The following CABIN1 variants were observed in gnomAD, a reference collection of about 807,000 sequenced individuals.
CABIN1 encodes calcineurin-binding protein cabin-1.
Under a neutral mutation model 227.7 loss-of-function variants are expected in CABIN1, and 133 were observed. That is an observed-to-expected ratio of 0.58 (90% confidence interval 0.51 to 0.67). The LOEUF (loss-of-function observed/expected upper bound fraction) is 0.67, where lower values mean the gene tolerates loss of function less well. Ranked by LOEUF, CABIN1 falls within the 30% of genes least tolerant of loss-of-function variation. CABIN1 has a pLI of 0.00. For missense variants in CABIN1, 2,408 were observed against 2,852.5 expected, an observed-to-expected ratio of 0.84 and a Z score of 3.55; for synonymous variants, 1,086 against 1,155.1, an observed-to-expected ratio of 0.94 and a Z score of 1.21.
At chr22:24,070,671 G>A (rs999160467) in intron 16 of CABIN1, 129 bp from the exon 17 acceptor site, 3 of 1,383,612 alleles carry the variant, frequency 2.2e-6, no homozygotes, top group Admixed American at 1.7e-5. Flanking sequence ...GGCCTATGTT[G>A]TGCTGGGGCT....
At chr22:24,064,489 G>A (rs1203676183) in intron 15 of CABIN1, among the ~76,000 whole-genome samples, 1 of 149,332 alleles carries the variant, frequency 6.7e-6, no homozygotes, top group Admixed American at 6.7e-5. Context: ...TTACAGGTGT[G>A]AGCCACTGTG....
intron 31 of CABIN1, 84 bp from the exon 32 acceptor site, chr22:24,166,555 A>G: frequency 2.6e-6 from 4 of 1,547,294 alleles, no homozygotes; most frequent in Non-Finnish European, 3.6e-6. Context: ...GGAGAGGCCC[A>G]GGTTGGGCTC....
At chr22:24,015,777 G>A (rs1233392292) in intron 1 of CABIN1, among the ~76,000 whole-genome samples, 3 of 152,088 alleles carry the variant, frequency 2.0e-5, no homozygotes, top group Non-Finnish European at 2.9e-5. Flanking sequence ...CCAACATGGT[G>A]AAACCCCTTT....
rs759192838 is a variant in CABIN1, at chr22:24,036,212, G to A, written c.96+31G>A. The A allele has an allele frequency of 6.2e-6, 9 of 1,449,332 alleles. No individual in the cohort carries two copies. In the South Asian group the frequency reaches 9.1e-5, roughly 15 times the overall value. 89.8% of individuals were successfully genotyped at this position (1,449,332 alleles called of 1,614,324 possible). A position where few individuals can be genotyped will look rare whatever the true frequency, so the allele number is the denominator to read the frequency against. On this transcript the variant is annotated intron_variant, in intron 3 of 36. Transcript: ENST00000263119. Reference sequence around the variant, plus strand: ...TAATGCGAGGTCTTCTCTGTAGGTGGACCTTCTCATTTCTATAGAGGGAAC... The same window carrying A: ...TAATGCGAGGTCTTCTCTGTAGGTGAACCTTCTCATTTCTATAGAGGGAAC...
In CABIN1 at chr22:24,138,286, G is replaced by A. The variant is rs189459831; in HGVS notation, c.4746+3871G>A. Among the ~76,000 whole-genome samples, 98 of 152,292 alleles carry A rather than the reference G, an allele frequency of 6.4e-4. 1 individual carries two copies. The South Asian group carries it at 0.018, about 28-fold the overall frequency. ...GGGGGCAGATTTAAGAGACAGCATC[G>A]TGCTGTGTCACCTAGGCCCTTGGGG... is the stretch of plus-strand genomic sequence containing the variant. On this transcript the variant is annotated intron_variant, in intron 29 of 36. Transcript: ENST00000263119.
chr22:24,063,194 A>C, intron 14 of CABIN1, 48 bp downstream of exon 14: 2 of 1,591,570 alleles, frequency 1.3e-6, no homozygotes, highest in Non-Finnish European at 1.7e-6. Context: ...GACACCCAGC[A>C]GGGTGGGCAG....
chr22:24,094,817 C>T (rs1289820336), intron 24 of CABIN1, among the ~76,000 whole-genome samples: 2 of 131,284 alleles, frequency 1.5e-5, no homozygotes, highest in East Asian at 4.3e-4. Flanking sequence ...GAGCGAGACT[C>T]CGTCTCAAAA....
rs758361974 is a variant in CABIN1, at chr22:24,049,140, C to A, written c.576C>A (p.Ser192Arg). ...CKALEKDCRYSKGLVLKEKIF... is the reference protein window; with the variant it reads ...CKALEKDCRYRKGLVLKEKIF... ...CTTTGGAGAAGGATTGCCGGTACAGCAAAGGGCTGGTCCTCAAGGAGAAGA... is the reference window on the plus strand; with the variant it reads ...CTTTGGAGAAGGATTGCCGGTACAGAAAAGGGCTGGTCCTCAAGGAGAAGA... The change falls in exon 7 of 37, where the codon AGC becomes AGA. Residue 192 changes from serine (S) to arginine (R), a missense_variant. Transcript: ENST00000263119. 1 of 1,614,128 alleles carries A rather than the reference C, an allele frequency of 6.2e-7. No homozygotes were observed. The highest frequency in any genetic ancestry group is 1.1e-5 in the South Asian group (1 of 91,078).
chr22:24,158,767 C>T (rs1444360546), intron 29 of CABIN1, among the ~76,000 whole-genome samples: 1 of 152,172 alleles, frequency 6.6e-6, no homozygotes, highest in Admixed American at 6.5e-5. Flanking sequence ...TCTCCTGTCC[C>T]CTCACCCTGG....
chr22:24,098,330 G>A, intron 26 of CABIN1, 138 bp downstream of exon 26: 3 of 1,521,002 alleles, frequency 2.0e-6, no homozygotes, highest in Admixed American at 1.9e-5. Context: ...TGTTGCGGCT[G>A]CTCATTAACC....
At chr22:24,065,904 T>C (rs2039637612) in intron 15 of CABIN1, among the ~76,000 whole-genome samples, 1 of 152,000 alleles carries the variant, frequency 6.6e-6, no homozygotes, top group Non-Finnish European at 1.5e-5. Flanking sequence ...CTCGGCAGGC[T>C]GAGGCAGGAG....
At chr22:24,065,759 C>T (rs548616453) in intron 15 of CABIN1, among the ~76,000 whole-genome samples, 8 of 152,380 alleles carry the variant, frequency 5.3e-5, no homozygotes, top group South Asian at 4.1e-4. Context: ...CCCGGCACCT[C>T]GGGAGGCCGA....
At chr22:24,062,503 G>A (rs949765061) in intron 13 of CABIN1, among the ~76,000 whole-genome samples, 7 of 152,018 alleles carry the variant, frequency 4.6e-5, no homozygotes, top group Admixed American at 3.3e-4. Context: ...GACTACAGGC[G>A]TGTGCCACCA....
intron 26 of CABIN1, among the ~76,000 whole-genome samples, chr22:24,106,122 G>T (rs1034012506): frequency 6.6e-6 from 1 of 152,238 alleles, no homozygotes; most frequent in Non-Finnish European, 1.5e-5. Flanking sequence ...GCTAGGCTGC[G>T]TTCAGCTGTC....
intron 5 of CABIN1, 88 bp from the exon 6 acceptor site, chr22:24,042,816 G>T (rs754768585): frequency 1.7e-6 from 2 of 1,164,672 alleles, no homozygotes; most frequent in Non-Finnish European, 2.5e-6. Context: ...GGAGAGATCT[G>T]ACTGTGTGTG....
chr22:24,156,478 G>A (rs906477004), intron 29 of CABIN1: 1 of 177,538 alleles, frequency 5.6e-6, no homozygotes, highest in African/African-American at 2.4e-5. Context: ...GAGCTGGCTC[G>A]TGGGGGCGTG....
At chr22:24,041,103 G>A (rs766413141) in intron 4 of CABIN1, 36 bp from the exon 5 acceptor site, 2 of 1,613,976 alleles carry the variant, frequency 1.2e-6, no homozygotes, top group Admixed American at 1.7e-5. Context: ...GAGGCTTCAA[G>A]GTCTAGTTGT....
chr22:24,080,544 T>A (rs1231788994), intron 19 of CABIN1, among the ~76,000 whole-genome samples: 1 of 152,256 alleles, frequency 6.6e-6, no homozygotes, highest in Non-Finnish European at 1.5e-5. Flanking sequence ...TCTCTCTGTT[T>A]ATTTAGGTCT....
At chr22:24,099,898 C>T (rs1159747954) in intron 26 of CABIN1, among the ~76,000 whole-genome samples, 2 of 152,162 alleles carry the variant, frequency 1.3e-5, no homozygotes, top group Non-Finnish European at 2.9e-5. Flanking sequence ...GAGTATGCCT[C>T]TAGAAGCAGG....
Sources: allele counts gnomAD v4.1 joint callset (sites outside exome capture counted in the v4.1 genomes callset), GRCh38; gene constraint gnomAD v4.1.1; transcripts MANE v1.5; gene names NCBI Gene and HGNC (gene_info 2026-07-23, HGNC 2026-07-21).